Variants in PRKCH observed in about 807,000 individuals in gnomAD.
PRKCH encodes the protein protein kinase C eta type.
PRKCH carries 28 observed loss-of-function variants against 82.5 expected under a neutral mutation model. That is an observed-to-expected ratio of 0.34 (90% confidence interval 0.25 to 0.47). PRKCH has a LOEUF of 0.47. PRKCH is among the 20% of genes least tolerant of loss of function. PRKCH has a pLI of 1.00. For synonymous variants in PRKCH, 322 were observed against 327.4 expected (o/e 0.98, Z 0.18); for missense variants, 705 against 881.8 (o/e 0.80, Z 2.54).
chr14:61,371,776 A>G (rs1016171398), intron 1 of PRKCH, among the ~76,000 whole-genome samples: 1 of 152,026 alleles, frequency 6.6e-6, no homozygotes, highest in African/African-American at 2.4e-5. Context: ...TTGGGAAGGA[A>G]GTCACTGTAC....
chr14:61,500,623 T>C (rs899282712), intron 10 of PRKCH, among the ~76,000 whole-genome samples: 3 of 152,174 alleles, frequency 2.0e-5, no homozygotes, highest in Non-Finnish European at 4.4e-5. Flanking sequence ...AGGAATTTAA[T>C]TCCTGCATCC....
chr14:61,358,553 C>T (rs1256883582), intron 1 of PRKCH, among the ~76,000 whole-genome samples: 6 of 152,180 alleles, frequency 3.9e-5, no homozygotes, highest in Admixed American at 3.9e-4. Flanking sequence ...GATGAAGCCA[C>T]AGCCTCCTGC....
chr14:61,308,484 T>G (rs1455953828), intron 1 of PRKCH, among the ~76,000 whole-genome samples: 1 of 152,210 alleles, frequency 6.6e-6, no homozygotes, highest in African/African-American at 2.4e-5. Flanking sequence ...TCAGTGTGGT[T>G]TTTATATTAT....
intron 10 of PRKCH, among the ~76,000 whole-genome samples, chr14:61,505,653 G>A (rs1384206254): frequency 6.6e-6 from 1 of 151,978 alleles, no homozygotes; most frequent in Non-Finnish European, 1.5e-5. Flanking sequence ...GGGATTAGGA[G>A]CATGAGCCAC....
Position 61,420,832 on chromosome 14 carries a change from T to A in PRKCH, c.428-22279T>A, listed in dbSNP as rs547666097. Among the ~76,000 whole-genome samples, 8 of 152,248 alleles carry A rather than the reference T, an allele frequency of 5.3e-5. No homozygotes were observed. In the South Asian group the frequency reaches 1.7e-3, roughly 32 times the overall value. On this transcript the variant is annotated intron_variant, in intron 2 of 13. Transcript: ENST00000332981. ...TTCCTTAAAGAGGCTAAGCGTCAGT[T>A]GCAATATCTCTCTATCAACCCCATT...
At chr14:61,510,322 T>C (rs964123213) in intron 10 of PRKCH, among the ~76,000 whole-genome samples, 13 of 151,740 alleles carry the variant, frequency 8.6e-5, no homozygotes, top group African/African-American at 3.2e-4. Flanking sequence ...AACAGAGGAG[T>C]AAGCCTGGAA....
chr14:61,506,470 C>A (rs1421194784), intron 10 of PRKCH, among the ~76,000 whole-genome samples: 1 of 151,952 alleles, frequency 6.6e-6, no homozygotes, highest in African/African-American at 2.4e-5. Context: ...CAATGCTGGC[C>A]CTCCTGAACC....
rs143276608 is a variant in PRKCH, at chr14:61,238,558, A to C, written c.-19+50890A>C. On this transcript the variant is annotated intron_variant, in intron 1 of 3. Coordinates refer to the PRKCH transcript ENST00000555185. The stretch of plus-strand genomic sequence containing the variant: ...CTTAAGAGCTTTGTTTTGACCCCAC[A>C]CATTTACATTTTATTCACCTCATTT... 9.8e-4 allele frequency among the ~76,000 whole-genome samples: 149 copies of C among 152,278 alleles called. 2 individuals carry two copies. The East Asian group carries it at 0.027, about 28-fold the overall frequency.
At chr14:61,251,300 T>A (rs1290114596) in intron 1 of PRKCH, among the ~76,000 whole-genome samples, 1 of 152,142 alleles carries the variant, frequency 6.6e-6, no homozygotes, top group Non-Finnish European at 1.5e-5. Flanking sequence ...CTAGGTCTTA[T>A]TCGTTCTTTC....
intron 1 of PRKCH, among the ~76,000 whole-genome samples, chr14:61,218,381 C>T (rs1235733930): frequency 6.6e-6 from 1 of 152,206 alleles, no homozygotes; most frequent in Non-Finnish European, 1.5e-5. Flanking sequence ...CATGACTGAG[C>T]TACCCCCTTT....
chr14:61,386,862 G>A (rs2046595695), intron 1 of PRKCH, among the ~76,000 whole-genome samples: 1 of 152,180 alleles, frequency 6.6e-6, no homozygotes, highest in Non-Finnish European at 1.5e-5. Context: ...ATTTGAATAT[G>A]TTTTTTGAGT....
Position 61,453,333 on chromosome 14 carries a change from G to A in PRKCH, c.940G>A (p.Gly314Arg), listed in dbSNP as rs778046869. 3.0e-5 allele frequency: 49 copies of A among 1,612,718 alleles called. No homozygotes were observed. The highest frequency in any genetic ancestry group is 5.0e-5 in the Admixed American group (3 of 59,748). ...CCTGGCAGGGATGGGTCTCCAACCCGGAAATATTTCTCCAACCTCGGTGAG... is the reference window on the plus strand; with the variant it reads ...CCTGGCAGGGATGGGTCTCCAACCCAGAAATATTTCTCCAACCTCGGTGAG... ...KTLAGMGLQP[G>R]NISPTSKLVS... Residue 314 changes from glycine (G) to arginine (R), a missense_variant, in exon 7 of 14, where the codon GGA becomes AGA. This residue lies in a region of PRKCH where 238 missense variants were observed against 258.1 expected (regional missense o/e 0.92). Coordinates refer to ENST00000332981, the MANE Select transcript of PRKCH (RefSeq NM_006255.5).
At chr14:61,386,955 T>A (rs2046597107) in intron 1 of PRKCH, among the ~76,000 whole-genome samples, 1 of 152,152 alleles carries the variant, frequency 6.6e-6, no homozygotes, top group Non-Finnish European at 1.5e-5. Flanking sequence ...TCCCAAAGAA[T>A]CAAGCAAGGC....
At chr14:61,378,718 G>A (rs1287376897) in intron 1 of PRKCH, among the ~76,000 whole-genome samples, 2 of 152,194 alleles carry the variant, frequency 1.3e-5, no homozygotes, top group Non-Finnish European at 2.9e-5. Flanking sequence ...TCAGTTAATG[G>A]CACCAGGGAT....
upstream of PRKCH, among the ~76,000 whole-genome samples, chr14:61,319,866 G>T (rs2045593753): frequency 6.6e-6 from 1 of 152,222 alleles, no homozygotes; most frequent in South Asian, 2.1e-4. Context: ...GGAAGCTTTG[G>T]TGTTTTCAAG....
rs756158209 is a variant in PRKCH, at chr14:61,280,274, G to T, written c.-19+92606G>T. ...TTGTGGCCGCCGAACGCGCGCACCG[G>T]GTAGTTGTAGGTGATGTTGACGCGG... On this transcript the variant is annotated intron_variant, in intron 1 of 3. Coordinates refer to the PRKCH transcript ENST00000555185. This position sits in a 1 kb window ranked among gnomAD's most constrained non-coding sequence, Gnocchi z 5.0. 1.9e-6 allele frequency: 3 copies of T among 1,613,910 alleles called. No homozygotes were observed. The highest frequency in any genetic ancestry group is 2.5e-6 in the Non-Finnish European group (3 of 1,180,010).
chr14:61,237,044 T>C (rs541203480), intron 1 of PRKCH, among the ~76,000 whole-genome samples: 8 of 152,268 alleles, frequency 5.3e-5, no homozygotes, highest in South Asian at 4.1e-4. Flanking sequence ...CCCTGAATTC[T>C]TTCTTGTGTG....
rs2044424593 is a variant in PRKCH at position 61,193,946 on chromosome 14, A to G, written c.-19+6278A>G. On this transcript the variant is annotated intron_variant, in intron 1 of 3. Transcript: ENST00000555185. ...GGCTGGCTTTTCCTGCTTTTCTGAA[A>G]TTAGTGCTCTGAACAATAGGCCCAC... 2.0e-5 allele frequency among the ~76,000 whole-genome samples: 3 copies of G among 152,220 alleles called. No homozygotes were observed. In the South Asian group the frequency reaches 6.2e-4, roughly 32 times the overall value.
chr14:61,213,068 G>A (rs1031029064), intron 1 of PRKCH, among the ~76,000 whole-genome samples: 4 of 152,274 alleles, frequency 2.6e-5, no homozygotes, highest in East Asian at 1.9e-4. Context: ...GAAAAACACA[G>A]GGACAGGCAG....
Sources: gnomAD v4.1 joint callset for allele counts (sites outside exome capture counted in the v4.1 genomes callset) on GRCh38, gnomAD v4.1.1 for gene constraint, gnomAD v4.1.1 regional missense constraint, Gnocchi (gnomAD v3.1) non-coding constraint, MANE v1.5 for transcripts, NCBI Gene and HGNC (gene_info 2026-07-23, HGNC 2026-07-21) for gene names.